The following GLG1 variants were observed in gnomAD, a reference collection of about 807,000 sequenced individuals.
GLG1 encodes Golgi apparatus protein 1.
A neutral mutation model predicts 160.5 loss-of-function variants in GLG1; 38 were observed. The ratio of observed to expected loss-of-function variants is 0.24; its 90% CI spans 0.18 to 0.31. The LOEUF is 0.31. Ranked by LOEUF, GLG1 falls within the 10% of genes least tolerant of loss-of-function variation. GLG1 has a pLI of 1.00. For missense variants in GLG1, 1,373 were observed against 1,505.2 expected, an observed-to-expected ratio of 0.91 and a Z score of 1.45; for synonymous variants, 644 against 543.4, an observed-to-expected ratio of 1.19 and a Z score of -2.57.
chr16:74,555,320 C>T (rs1021985708), intron 1 of GLG1, among the ~76,000 whole-genome samples: 2 of 152,116 alleles, frequency 1.3e-5, no homozygotes, highest in African/African-American at 4.8e-5. Context: ...TGAAAGGATC[C>T]ACTACACAAA....
chr16:74,560,183 T>G (rs942285263), intron 1 of GLG1, among the ~76,000 whole-genome samples: 1 of 152,152 alleles, frequency 6.6e-6, no homozygotes, highest in African/African-American at 2.4e-5. Context: ...CAAAGCAGAC[T>G]GTCCTTCCCA....
Position 74,491,204 on chromosome 16 carries a change from T to G in GLG1, c.1246A>C (p.Ser416Arg). The G allele has an allele frequency of 6.2e-7, 1 of 1,613,470 alleles. No homozygotes were observed. The highest frequency in any genetic ancestry group is 8.5e-7 in the Non-Finnish European group (1 of 1,179,390). Residue 416 changes from serine (S) to arginine (R), a missense_variant, in exon 8 of 26, where the codon AGC (serine) becomes CGC (arginine). Ser to Arg is a moderately radical substitution (Grantham distance 110). Coordinates refer to ENST00000422840, the MANE Select transcript of GLG1 (RefSeq NM_001145667.2). ...AGCATCTCCCCCTGGCACTCACTGC[T>G]GACTTGTCGCCCTAAGTTAGGATGT... ...ESAVHRGRQV[S>R]SECQGEMLDY...
intron 9 of GLG1, among the ~76,000 whole-genome samples, chr16:74,484,328 TTTTG>T (rs1410745661): frequency 2.6e-5 from 4 of 151,806 alleles, no homozygotes; most frequent in Admixed American, 2.0e-4. Context: ...AACTGTTTTT[TTTTG>T]TTTTTGTTTT....
intron 19 of GLG1, among the ~76,000 whole-genome samples, 199 bp downstream of exon 19, chr16:74,465,477 G>A (rs1299298781): frequency 5.3e-5 from 8 of 152,148 alleles, no homozygotes; most frequent in African/African-American, 1.2e-4. Context: ...GGCAGACTTC[G>A]TGCTCTACTC....
At chr16:74,483,174 C>A in intron 9 of GLG1, 50 bp from the exon 10 acceptor site, 5 of 1,035,968 alleles carry the variant, frequency 4.8e-6, no homozygotes, top group Non-Finnish European at 7.6e-6. Flanking sequence ...GTTCAGAACT[C>A]TATGTCAATA....
chr16:74,465,977 C>T (rs563253199), intron 18 of GLG1, among the ~76,000 whole-genome samples, 164 bp from the exon 19 acceptor site: 1 of 152,280 alleles, frequency 6.6e-6, no homozygotes, highest in Admixed American at 6.5e-5. Context: ...GGATTTACAA[C>T]CTTACAGCTG....
At chr16:74,589,581 T>C (rs1453619706) in intron 1 of GLG1, among the ~76,000 whole-genome samples, 1 of 152,124 alleles carries the variant, frequency 6.6e-6, no homozygotes, top group Non-Finnish European at 1.5e-5. Context: ...ACACTATTTA[T>C]TTGCGGGTGT....
At chr16:74,548,174 GCATTCTAAAAATATCTGC>G (rs1360721586) in intron 1 of GLG1, among the ~76,000 whole-genome samples, 3 of 152,188 alleles carry the variant, frequency 2.0e-5, no homozygotes, top group Admixed American at 2.0e-4. Context: ...TAGCTGCTCT[GCATTCTAAAAATATCTGC>G]CATAGGACAC....
rs1958569733 is a variant in GLG1 at position 74,606,513 on chromosome 16, G to C, written c.438+144C>G. On this transcript the variant is annotated intron_variant, in intron 1 of 25. Coordinates refer to ENST00000422840, the MANE Select transcript of GLG1 (RefSeq NM_001145667.2). ...TATCCTTTTCCCTGAAAGCGCCTGG[G>C]AGTGAGGAGCAAAGAGGGAAGGAGC... 6.5e-6 allele frequency: 4 copies of C among 619,922 alleles called. No homozygotes were observed. The South Asian group carries it at 1.0e-4, about 16-fold the overall frequency. The allele number at this position is 619,922 out of a possible 1,614,324, so 38.4% of individuals were successfully genotyped here.
chr16:74,541,097 G>A lies in GLG1; in HGVS notation c.439-8944C>T, dbSNP rs1483675344. 2.0e-5 allele frequency among the ~76,000 whole-genome samples: 3 copies of A among 152,092 alleles called. No homozygotes were observed. In the East Asian group the frequency reaches 5.8e-4, roughly 29 times the overall value. On this transcript the variant is annotated intron_variant, in intron 1 of 25. Transcript: ENST00000422840. ...TCCCTGCACTTTGGGAGGCTGAGGC[G>A]GGCAGATCACAAGGTCAGGTGTTCG...
At chr16:74,571,760 G>C (rs1390938287) in intron 1 of GLG1, among the ~76,000 whole-genome samples, 1 of 152,066 alleles carries the variant, frequency 6.6e-6, no homozygotes, top group South Asian at 2.1e-4. Flanking sequence ...AGAAGATCGA[G>C]GTGTGACTGC....
At chr16:74,510,141 C>T (rs1362060885) in intron 2 of GLG1, among the ~76,000 whole-genome samples, 1 of 151,818 alleles carries the variant, frequency 6.6e-6, no homozygotes, top group East Asian at 2.0e-4. Context: ...AAGCAATTCT[C>T]CTGCCTCGGC....
intron 1 of GLG1, among the ~76,000 whole-genome samples, chr16:74,566,871 C>G (rs369869686): frequency 7.2e-5 from 11 of 152,082 alleles, no homozygotes; most frequent in African/African-American, 2.7e-4. Context: ...CTGCAGGAAA[C>G]TTTAAATAAA....
At chr16:74,596,798 G>C (rs1267703832) in intron 1 of GLG1, among the ~76,000 whole-genome samples, 1 of 152,062 alleles carries the variant, frequency 6.6e-6, no homozygotes, top group Non-Finnish European at 1.5e-5. Flanking sequence ...AAGCTATTTA[G>C]AATCAGTTTT....
chr16:74,591,160 G>T (rs1434251707), intron 1 of GLG1, among the ~76,000 whole-genome samples: 1 of 151,108 alleles, frequency 6.6e-6, no homozygotes, highest in Non-Finnish European at 1.5e-5. Flanking sequence ...GTGAAACCCC[G>T]TCTCTACTAA....
chr16:74,541,738 C>T (rs959720107), intron 1 of GLG1, among the ~76,000 whole-genome samples: 1 of 152,252 alleles, frequency 6.6e-6, no homozygotes, highest in Admixed American at 6.5e-5. Context: ...ATGCTTCATA[C>T]AGGCAAAGAA....
chr16:74,551,100 T>C lies in GLG1; in HGVS notation c.439-18947A>G, dbSNP rs548848328. Among the ~76,000 whole-genome samples the C allele has an allele frequency of 2.4e-3, 372 of 152,342 alleles. 1 individual carries two copies. Among genetic ancestry groups the C allele is most frequent in the African/African-American group, 8.5e-3 (353 of 41,570 alleles). On this transcript the variant is annotated intron_variant, in intron 1 of 25. Coordinates refer to ENST00000422840, the MANE Select transcript of GLG1 (RefSeq NM_001145667.2). ...ATTCTAATAACAATTTCAAATGCTA[T>C]ACTGGGGCTGGTAATACTAATCTCA...
intron 2 of GLG1, among the ~76,000 whole-genome samples, chr16:74,509,572 A>G (rs1337036635): frequency 2.6e-5 from 4 of 151,978 alleles, no homozygotes; most frequent in Non-Finnish European, 5.9e-5. Context: ...AAAAATTGCC[A>G]GGCGCGGTGG....
At chr16:74,453,417 C>A in intron 25 of GLG1, 83 bp from the exon 26 acceptor site, 1 of 814,962 alleles carries the variant, frequency 1.2e-6, no homozygotes, top group Non-Finnish European at 2.0e-6. Flanking sequence ...CCTCTCAGTT[C>A]CTAGTTTAAT....
Sources: allele counts gnomAD v4.1 joint callset (sites outside exome capture counted in the v4.1 genomes callset), GRCh38; gene constraint gnomAD v4.1.1; transcripts MANE v1.5; gene names NCBI Gene and HGNC (gene_info 2026-07-23, HGNC 2026-07-21).